SNTG2: variants seen among roughly 807,000 people sequenced by gnomAD.
SNTG2 encodes syntrophin gamma 2.
A neutral mutation model predicts 70.9 loss-of-function variants in SNTG2; 74 were observed. The observed-to-expected ratio is 1.04, with a 90% CI of 0.86 to 1.27. The LOEUF (loss-of-function observed/expected upper bound fraction) is 1.27. Among genes scored for constraint, SNTG2 ranks in the 50% most tolerant of loss-of-function variants. The pLI, the probability that SNTG2 is intolerant of heterozygous loss-of-function variation, is 0.00. For synonymous variants in SNTG2, 278 were observed against 273.8 expected (o/e 1.02, Z -0.15); for missense variants, 717 against 690.7 (o/e 1.04, Z -0.43).
chr2:1,129,360 A>C (rs775120665), intron 4 of SNTG2, among the ~76,000 whole-genome samples: 19 of 152,226 alleles, frequency 1.2e-4, no homozygotes, highest in Non-Finnish European at 2.4e-4. Flanking sequence ...TTTTGAACTC[A>C]GTGTCCATTA....
chr2:1,016,456 G>A (rs970794197), intron 1 of SNTG2, among the ~76,000 whole-genome samples: 12 of 152,182 alleles, frequency 7.9e-5, no homozygotes, highest in African/African-American at 2.9e-4. Context: ...GGCCAGGTTG[G>A]CCTCAAACTC....
chr2:963,255 C>T (rs186284832), intron 1 of SNTG2, among the ~76,000 whole-genome samples: 13 of 151,730 alleles, frequency 8.6e-5, no homozygotes, highest in South Asian at 2.1e-4. Flanking sequence ...AAATATGCTA[C>T]GTAAAAATTG....
intron 1 of SNTG2, among the ~76,000 whole-genome samples, chr2:969,560 A>G (rs1009332854): frequency 6.6e-6 from 1 of 152,086 alleles, no homozygotes; most frequent in African/African-American, 2.4e-5. Context: ...TCTAATTCTT[A>G]TTATAGAGAT....
At chr2:1,332,711 A>G (rs1216491791) in intron 16 of SNTG2, among the ~76,000 whole-genome samples, 1 of 152,236 alleles carries the variant, frequency 6.6e-6, no homozygotes. Context: ...AAACCATATT[A>G]TCATCTCAAT....
rs546754549 is a variant in SNTG2, at chr2:1,252,242, T to G, written c.1005+4799T>G. Among the ~76,000 whole-genome samples, 3 of 152,338 alleles carry G rather than the reference T, an allele frequency of 2.0e-5. No homozygotes were observed. In the South Asian group the frequency reaches 6.2e-4, roughly 32 times the overall value. On this transcript the variant is annotated intron_variant, in intron 12 of 16. Transcript: ENST00000308624. ...TAATACCAGTAATGCACTGGAGAGA[T>G]AAAAAGGTGCAGGTTTTTATGAATA...
At chr2:1,157,105 C>T (rs942701978) in intron 6 of SNTG2, among the ~76,000 whole-genome samples, 4 of 152,206 alleles carry the variant, frequency 2.6e-5, no homozygotes, top group Admixed American at 1.3e-4. Context: ...TACTGTTTAG[C>T]AGAAATAGTC....
intron 9 of SNTG2, among the ~76,000 whole-genome samples, chr2:1,224,492 C>T (rs529900892): frequency 5.3e-5 from 8 of 152,314 alleles, no homozygotes; most frequent in Admixed American, 4.6e-4. Flanking sequence ...CTCCTGTTAC[C>T]TGCTCTGTGC....
At chr2:1,221,995 G>GTCTCTGTCTC (rs1272302130) in intron 9 of SNTG2, among the ~76,000 whole-genome samples, 2 of 2,118 alleles carry the variant, frequency 9.4e-4, no homozygotes, top group Admixed American at 8.3e-3. Context: ...CTCTGTCTCT[G>GTCTCTGTCTC]TCTCTGTCTC....
intron 6 of SNTG2, among the ~76,000 whole-genome samples, chr2:1,153,579 G>C (rs909160365): frequency 6.6e-6 from 1 of 152,138 alleles, no homozygotes; most frequent in Non-Finnish European, 1.5e-5. Context: ...AAAGCCTCAC[G>C]GAAAAGCTTA....
chr2:1,056,856 A>G (rs71440612), intron 1 of SNTG2, among the ~76,000 whole-genome samples: 4,915 of 30,308 alleles, frequency 0.16, 384 homozygotes, highest in East Asian at 0.32. Context: ...GGGGAGGGAG[A>G]GAGGGAGAGC....
chr2:1,220,762 A>T (rs920127894), intron 9 of SNTG2, among the ~76,000 whole-genome samples: 11 of 152,222 alleles, frequency 7.2e-5, no homozygotes, highest in Non-Finnish European at 1.5e-4. Context: ...CACGTGTTTA[A>T]GATCTGGAGG....
intron 11 of SNTG2, among the ~76,000 whole-genome samples, chr2:1,242,045 C>A (rs1185148221): frequency 6.6e-6 from 1 of 152,144 alleles, no homozygotes; most frequent in Non-Finnish European, 1.5e-5. Flanking sequence ...ATTTACTTAG[C>A]AGCTTGGAGT....
intron 1 of SNTG2, among the ~76,000 whole-genome samples, chr2:1,050,713 A>G (rs551730837): frequency 6.6e-6 from 1 of 152,210 alleles, no homozygotes; most frequent in African/African-American, 2.4e-5. Context: ...GATTATTATT[A>G]AACAGCTTCC....
intron 15 of SNTG2, among the ~76,000 whole-genome samples, chr2:1,312,969 A>G (rs968198055): frequency 2.0e-5 from 3 of 152,152 alleles, no homozygotes; most frequent in Admixed American, 2.0e-4. Context: ...ACATCAAGAA[A>G]CGAATTAGGT....
At chr2:1,140,821 C>T (rs994586078) in intron 6 of SNTG2, among the ~76,000 whole-genome samples, 2 of 151,278 alleles carry the variant, frequency 1.3e-5, no homozygotes, top group Non-Finnish European at 3.0e-5. Context: ...GCTATGAAAA[C>T]CATTGATAAA....
intron 6 of SNTG2, among the ~76,000 whole-genome samples, chr2:1,146,995 C>G (rs915420551): frequency 6.6e-6 from 1 of 152,154 alleles, no homozygotes. Context: ...ACTTTATTTC[C>G]TTTCTCCTTT....
chr2:1,077,675 A>G (rs1572375923), intron 1 of SNTG2, among the ~76,000 whole-genome samples: 1 of 152,266 alleles, frequency 6.6e-6, no homozygotes, highest in Middle Eastern at 3.4e-3. Context: ...ATATGCTTAC[A>G]CACATCCCCG....
At chr2:1,005,806 A>T (rs779881297) in intron 1 of SNTG2, among the ~76,000 whole-genome samples, 6 of 31,268 alleles carry the variant, frequency 1.9e-4, no homozygotes, top group South Asian at 1.3e-3. Flanking sequence ...TCTGCCTCAA[A>T]ATATATATAT....
intron 6 of SNTG2, among the ~76,000 whole-genome samples, chr2:1,152,376 C>T (rs954120690): frequency 2.0e-5 from 3 of 152,158 alleles, no homozygotes; most frequent in Non-Finnish European, 4.4e-5. Context: ...CATGCATGTA[C>T]GTGTGAGGCC....
Sources: allele counts gnomAD v4.1 joint callset (sites outside exome capture counted in the v4.1 genomes callset), GRCh38; gene constraint gnomAD v4.1.1; transcripts MANE v1.5; gene names NCBI Gene and HGNC (gene_info 2026-07-23, HGNC 2026-07-21).